LHFPL3: variants seen among roughly 807,000 people sequenced by gnomAD.
LHFPL3 encodes LHFPL tetraspan subfamily member 3 protein.
LHFPL3 carries 5 observed loss-of-function variants against 19.3 expected under a neutral mutation model. That is an observed-to-expected ratio of 0.26 (90% CI 0.14 to 0.54). LHFPL3 has a LOEUF of 0.54. Among genes scored for constraint, LHFPL3 ranks in the 20% least tolerant of loss-of-function variants. The probability of loss-of-function intolerance (pLI) is 0.94; values close to 1 mark genes in which losing one functional copy is unlikely to be tolerated. For missense variants in LHFPL3, 249 were observed against 307.4 expected (o/e 0.81, Z 1.42); for synonymous variants, 133 against 126.2 (o/e 1.05, Z -0.36).
At chr7:104,588,184 C>T (rs1235093115) in intron 1 of LHFPL3, among the ~76,000 whole-genome samples, 1 of 152,026 alleles carries the variant, frequency 6.6e-6, no homozygotes, top group African/African-American at 2.4e-5. Context: ...GACATGAAGT[C>T]CTTGCCCATG....
At chr7:104,408,861 T>A (rs1376042096) in intron 1 of LHFPL3, among the ~76,000 whole-genome samples, 2 of 128,242 alleles carry the variant, frequency 1.6e-5, no homozygotes, top group African/African-American at 6.5e-5. Context: ...TGTAATTTTC[T>A]TTCTTTTTTT....
At chr7:104,838,402 C>T (rs1195374579) in intron 2 of LHFPL3, among the ~76,000 whole-genome samples, 1 of 152,180 alleles carries the variant, frequency 6.6e-6, no homozygotes, top group Non-Finnish European at 1.5e-5. Context: ...GCTCTATCTC[C>T]ATTTAAATGA....
rs58399596 is a variant in LHFPL3 at position 104,477,787 on chromosome 7, A to G, written c.445+148563A>G. Among the ~76,000 whole-genome samples the G allele has an allele frequency of 2.6e-3, 395 of 152,308 alleles. 3 individuals are homozygous for G. The highest frequency in any genetic ancestry group is 9.0e-3 in the African/African-American group (374 of 41,566). The stretch of plus-strand genomic sequence containing the variant: ...AAAAGAGAAAGGAATGCATTCCTAC[A>G]TACAAAAGCATTAACCAAAGAACCT... On this transcript the variant is annotated intron_variant, in intron 1 of 2. Transcript: ENST00000424859.
intron 1 of LHFPL3, among the ~76,000 whole-genome samples, chr7:104,723,459 C>T (rs562539140): frequency 2.6e-5 from 4 of 152,194 alleles, no homozygotes; most frequent in African/African-American, 7.2e-5. Flanking sequence ...CAGTGGCTCA[C>T]GCCTGTAATC....
At chr7:104,330,721 AC>A (rs1801551875) in intron 1 of LHFPL3, among the ~76,000 whole-genome samples, 1 of 152,056 alleles carries the variant, frequency 6.6e-6, no homozygotes, top group East Asian at 1.9e-4. Context: ...CTCCTTCTGC[AC>A]CCCCATCCCC....
At chr7:104,894,653 A>G (rs1320189891) in intron 2 of LHFPL3, 1 of 152,160 alleles carries the variant, frequency 6.6e-6, no homozygotes, top group African/African-American at 2.4e-5. Flanking sequence ...TTATTTTATT[A>G]TTTGTTGAAA....
chr7:104,596,466 G>A (rs10255159), intron 1 of LHFPL3, among the ~76,000 whole-genome samples: 147,191 of 152,312 alleles, frequency 0.97, 71,296 homozygotes, highest in East Asian at 1. Context: ...ACAAGTCTAA[G>A]TGGTCACTTT....
chr7:104,592,588 A>T (rs914543358), intron 1 of LHFPL3, among the ~76,000 whole-genome samples: 5 of 152,114 alleles, frequency 3.3e-5, no homozygotes, highest in African/African-American at 1.2e-4. Flanking sequence ...CTGTTCTCAG[A>T]TCTCAAACTC....
intron 1 of LHFPL3, among the ~76,000 whole-genome samples, chr7:104,578,852 G>A (rs766502216): frequency 6.6e-6 from 1 of 152,060 alleles, no homozygotes; most frequent in Admixed American, 6.6e-5. Context: ...TGTATCGAGA[G>A]TGGTCAGTCT....
intron 1 of LHFPL3, among the ~76,000 whole-genome samples, chr7:104,644,499 C>T (rs1425663317): frequency 6.6e-6 from 1 of 152,206 alleles, no homozygotes; most frequent in Non-Finnish European, 1.5e-5. Flanking sequence ...TCCATGCCCG[C>T]TCCCAGGAAA....
intron 1 of LHFPL3, among the ~76,000 whole-genome samples, chr7:104,625,053 G>A (rs1273747728): frequency 6.6e-6 from 1 of 152,188 alleles, no homozygotes; most frequent in Non-Finnish European, 1.5e-5. Context: ...GGTGACACCT[G>A]CCTGTAGGTT....
intron 1 of LHFPL3, among the ~76,000 whole-genome samples, chr7:104,532,904 G>T (rs1179924127): frequency 6.6e-6 from 1 of 152,168 alleles, no homozygotes; most frequent in East Asian, 1.9e-4. Context: ...TTATGAATTT[G>T]TCAGAGTGTC....
intron 1 of LHFPL3, among the ~76,000 whole-genome samples, chr7:104,426,963 A>G (rs1791859629): frequency 6.6e-6 from 1 of 152,242 alleles, no homozygotes; most frequent in Admixed American, 6.5e-5. Flanking sequence ...GGCACAAAAT[A>G]AACATTCAAA....
chr7:104,347,631 C>T (rs1790095734), intron 1 of LHFPL3, among the ~76,000 whole-genome samples: 1 of 152,188 alleles, frequency 6.6e-6, no homozygotes, highest in Admixed American at 6.5e-5. Context: ...GGTACAATTG[C>T]TCATGCCTGT....
At chr7:104,396,597 A>G (rs1452384047) in intron 1 of LHFPL3, among the ~76,000 whole-genome samples, 1 of 151,016 alleles carries the variant, frequency 6.6e-6, no homozygotes, top group Non-Finnish European at 1.5e-5. Context: ...CATACCCTTC[A>G]TTAGATTCTC....
chr7:104,747,990 C>A, intron 2 of LHFPL3, among the ~76,000 whole-genome samples: 1 of 152,050 alleles, frequency 6.6e-6, no homozygotes, highest in Non-Finnish European at 1.5e-5. Flanking sequence ...ATAGGAGACT[C>A]CATTTTGTTC....
intron 1 of LHFPL3, among the ~76,000 whole-genome samples, chr7:104,387,275 G>A (rs781712032): frequency 6.6e-6 from 1 of 152,144 alleles, no homozygotes; most frequent in Non-Finnish European, 1.5e-5. Flanking sequence ...GGCTAAGGCA[G>A]GAGAATTGCT....
intron 1 of LHFPL3, among the ~76,000 whole-genome samples, chr7:104,572,476 C>G (rs1790247842): frequency 6.6e-6 from 1 of 152,038 alleles, no homozygotes; most frequent in African/African-American, 2.4e-5. Context: ...GCTTTATGGA[C>G]TTAAATCAAG....
intron 1 of LHFPL3, among the ~76,000 whole-genome samples, chr7:104,722,867 T>C (rs1194275175): frequency 3.9e-5 from 6 of 152,186 alleles, no homozygotes; most frequent in African/African-American, 1.4e-4. Flanking sequence ...TTTATCAGTT[T>C]TTTTGTGCAA....
Sources: gnomAD v4.1 joint callset for allele counts (sites outside exome capture counted in the v4.1 genomes callset) on GRCh38, gnomAD v4.1.1 for gene constraint, MANE v1.5 for transcripts, NCBI Gene and HGNC (gene_info 2026-07-23, HGNC 2026-07-21) for gene names.